The following SORCS1 variants were observed in gnomAD, a reference collection of about 807,000 sequenced individuals.
The protein encoded by SORCS1 is sortilin related VPS10 domain containing receptor 1, also known as VPS10 domain-containing receptor SorCS1.
Under a neutral mutation model 146.1 loss-of-function variants are expected in SORCS1, and 60 were observed. The ratio of observed to expected loss-of-function variants is 0.41; its 90% CI spans 0.33 to 0.51. SORCS1 has a LOEUF of 0.51. Ranked by LOEUF, SORCS1 falls within the 20% of genes least tolerant of loss-of-function variation. The pLI is 0.21. For synonymous variants in SORCS1, 637 were observed against 584.0 expected (o/e 1.09, Z -1.31); for missense variants, 1,352 against 1,487.6 (o/e 0.91, Z 1.50).
At chr10:107,118,165 A>G (rs1966158663) in intron 1 of SORCS1, among the ~76,000 whole-genome samples, 1 of 150,912 alleles carries the variant, frequency 6.6e-6, no homozygotes, top group African/African-American at 2.5e-5. Context: ...CTTATGAAAG[A>G]GACTCTATAA....
chr10:106,679,638 C>G lies in SORCS1; in HGVS notation c.1657G>C (p.Ala553Pro). 6.2e-7 allele frequency: 1 copy of G among 1,611,012 alleles called. No individual in the cohort carries two copies. The highest frequency in any genetic ancestry group is 8.5e-7 in the Non-Finnish European group (1 of 1,178,354). The part of the protein sequence containing the change: ...SKDTAPSIIV[A>P]SGNIGSELSD... ...AACCAGGTAAGCTTCTTACCTGATGCCACTATGATGCTTGGAGCTGTGTCT... is the reference window on the plus strand; with the variant it reads ...AACCAGGTAAGCTTCTTACCTGATGGCACTATGATGCTTGGAGCTGTGTCT... The change falls in exon 11 of 26, where the codon GCA becomes CCA. Residue 553 changes from alanine (A) to proline (P), a missense_variant. Transcript: ENST00000263054.
intron 6 of SORCS1, among the ~76,000 whole-genome samples, chr10:106,711,582 A>G (rs569030987): frequency 1.3e-5 from 2 of 152,236 alleles, no homozygotes; most frequent in African/African-American, 2.4e-5. Flanking sequence ...TCAGTAGACA[A>G]TGGTGGAGAG....
At chr10:106,631,502 T>C (rs1848438413) in intron 18 of SORCS1, among the ~76,000 whole-genome samples, 2 of 152,182 alleles carry the variant, frequency 1.3e-5, no homozygotes, top group African/African-American at 2.4e-5. Context: ...GAGCCCACTT[T>C]TGAAGCAAGT....
chr10:106,836,004 TAA>T (rs5787690), intron 2 of SORCS1, among the ~76,000 whole-genome samples: 6 of 143,610 alleles, frequency 4.2e-5, no homozygotes, highest in Admixed American at 7.0e-5. Context: ...AGACTGCGTC[TAA>T]AAAAAAAAAA....
At chr10:106,671,572 G>T (rs1851608667) in intron 15 of SORCS1, among the ~76,000 whole-genome samples, 2 of 152,194 alleles carry the variant, frequency 1.3e-5, no homozygotes, top group African/African-American at 2.4e-5. Context: ...AATCATTGAA[G>T]ATTATTAAAC....
chr10:107,076,960 C>G (rs1962938713), intron 1 of SORCS1, among the ~76,000 whole-genome samples: 1 of 152,162 alleles, frequency 6.6e-6, no homozygotes, highest in Admixed American at 6.6e-5. Flanking sequence ...GTGCTCACAT[C>G]TGATATGCAC....
chr10:106,640,574 C>T (rs1453046120), intron 18 of SORCS1, among the ~76,000 whole-genome samples: 2 of 152,240 alleles, frequency 1.3e-5, no homozygotes, highest in African/African-American at 2.4e-5. Context: ...CTACTTCTGC[C>T]TACCAGTTCT....
At chr10:107,178,977 C>G in the SORCS1 span, among the ~76,000 whole-genome samples, 9 of 152,124 alleles carry the variant, frequency 5.9e-5, no homozygotes, top group Non-Finnish European at 1.0e-4. Flanking sequence ...TGAATAAAGA[C>G]TCAGTAGTGG....
chr10:107,180,735 T>G, the SORCS1 span, among the ~76,000 whole-genome samples: 488 of 152,304 alleles, frequency 3.2e-3, 4 homozygotes, highest in African/African-American at 0.011. Context: ...GATTTGTGAT[T>G]TTTCCTCTTT....
At chr10:106,765,821 G>T (rs1326432535) in intron 4 of SORCS1, among the ~76,000 whole-genome samples, 1 of 151,372 alleles carries the variant, frequency 6.6e-6, no homozygotes, top group African/African-American at 2.4e-5. Context: ...GCTTGCAATT[G>T]TCAGTGTCCC....
chr10:106,935,344 A>G (rs1423130416), intron 2 of SORCS1, among the ~76,000 whole-genome samples: 1 of 152,214 alleles, frequency 6.6e-6, no homozygotes, highest in African/African-American at 2.4e-5. Context: ...CCAAAGAGAT[A>G]TGGAAACTTG....
At chr10:107,084,849 TG>T (rs1450927616) in intron 1 of SORCS1, among the ~76,000 whole-genome samples, 1 of 152,182 alleles carries the variant, frequency 6.6e-6, no homozygotes, top group Non-Finnish European at 1.5e-5. Context: ...CAAAATTATT[TG>T]AGGCTCTAAT....
chr10:106,581,358 C>CAT (rs1218511436), intron 24 of SORCS1, among the ~76,000 whole-genome samples: 1 of 150,400 alleles, frequency 6.6e-6, no homozygotes, highest in Non-Finnish European at 1.5e-5. Flanking sequence ...CACACACACA[C>CAT]ACTTTCTATA....
intron 1 of SORCS1, among the ~76,000 whole-genome samples, chr10:107,147,253 C>T (rs775820065): frequency 1.3e-5 from 2 of 152,152 alleles, no homozygotes; most frequent in African/African-American, 4.8e-5. Flanking sequence ...ATTTTTCAAA[C>T]GTTCTTGCCC....
intron 1 of SORCS1, among the ~76,000 whole-genome samples, chr10:107,001,839 C>T (rs1957235778): frequency 1.3e-5 from 2 of 152,306 alleles, no homozygotes; most frequent in South Asian, 2.1e-4. Flanking sequence ...TCTATGTTCT[C>T]CGGCAAAGGC....
At chr10:106,992,197 A>C (rs2139494497) in intron 1 of SORCS1, among the ~76,000 whole-genome samples, 1 of 152,300 alleles carries the variant, frequency 6.6e-6, no homozygotes, top group East Asian at 1.9e-4. Context: ...TGAGCTTAAA[A>C]GCACAGGCAT....
intron 1 of SORCS1, among the ~76,000 whole-genome samples, chr10:107,075,342 G>A (rs1024062775): frequency 2.6e-5 from 4 of 152,062 alleles, no homozygotes; most frequent in South Asian, 2.1e-4. Context: ...ATGATGAAAC[G>A]GATTGAAAGC....
intron 5 of SORCS1, among the ~76,000 whole-genome samples, chr10:106,759,563 T>A (rs1195021398): frequency 1.3e-5 from 2 of 152,194 alleles, no homozygotes; most frequent in African/African-American, 4.8e-5. Flanking sequence ...TTGTTCTTAC[T>A]TTGCCAGAAT....
At chr10:106,819,152 G>T (rs879320437) in intron 3 of SORCS1, among the ~76,000 whole-genome samples, 1 of 152,146 alleles carries the variant, frequency 6.6e-6, no homozygotes, top group Admixed American at 6.5e-5. Context: ...TTTGTTGAAT[G>T]CTTGCTAGGT....
Sources: gnomAD v4.1 joint callset for allele counts (sites outside exome capture counted in the v4.1 genomes callset) on GRCh38, gnomAD v4.1.1 for gene constraint, MANE v1.5 for transcripts, NCBI Gene and HGNC (gene_info 2026-07-23, HGNC 2026-07-21) for gene names.